Variants in BOLL observed in about 807,000 individuals in gnomAD.
The protein encoded by BOLL is protein boule-like.
In BOLL, 23 loss-of-function variants were observed where a neutral mutation model predicts 44.4. The ratio of observed to expected loss-of-function variants is 0.52; its 90% CI spans 0.37 to 0.73. The LOEUF is 0.73. Ranked by LOEUF, BOLL falls within the 30% of genes least tolerant of loss-of-function variation. The pLI is 0.00. For missense variants in BOLL, 287 were observed against 338.3 expected (o/e 0.85, Z 1.19); for synonymous variants, 97 against 110.8 (o/e 0.88, Z 0.78).
chr2:197,780,780 GTT>G lies in BOLL; in HGVS notation c.129+940_129+941del, dbSNP rs5837556. ...TATCACACCTAATGGCATAAGGAAG[GTT>G]TTTTTTTTGTTGAAAATGATAACTC... On this transcript the variant is annotated intron_variant, in intron 2 of 10. Transcript: ENST00000392296. 2.0e-3 allele frequency among the ~76,000 whole-genome samples: 300 copies of G among 150,718 alleles called. 2 individuals are homozygous for G. The highest frequency in any genetic ancestry group is 6.8e-3 in the Middle Eastern group (2 of 294).
intron 9 of BOLL, among the ~76,000 whole-genome samples, chr2:197,744,042 C>A (rs1425296650): frequency 1.6e-4 from 25 of 152,206 alleles, no homozygotes; most frequent in Non-Finnish European, 1.5e-5. Context: ...ATCTCCTGAC[C>A]TCGGGATCCA....
intron 9 of BOLL, among the ~76,000 whole-genome samples, chr2:197,747,582 C>CAAAAAAA (rs59385223): frequency 5.0e-5 from 3 of 60,190 alleles, no homozygotes; most frequent in Non-Finnish European, 8.6e-5. Flanking sequence ...GACTCGGGCT[C>CAAAAAAA]AAAAAAAAAA....
chr2:197,734,781 G>A (rs1313662105), intron 10 of BOLL, among the ~76,000 whole-genome samples: 1 of 152,112 alleles, frequency 6.6e-6, no homozygotes, highest in Non-Finnish European at 1.5e-5. Context: ...GACACAGGAA[G>A]GGGAATATCA....
intron 5 of BOLL, among the ~76,000 whole-genome samples, chr2:197,775,033 G>A (rs991503599): frequency 2.0e-5 from 3 of 151,788 alleles, no homozygotes; most frequent in Admixed American, 6.6e-5. Flanking sequence ...TCTCCTTCTA[G>A]CCAAAGACTG....
At chr2:197,781,957 G>C (rs545792914) in intron 1 of BOLL, 92 bp from the exon 2 acceptor site, 2 of 1,194,778 alleles carry the variant, frequency 1.7e-6, no homozygotes, top group African/African-American at 3.1e-5. Context: ...TCAAAAAGAA[G>C]AGTCATTTAG....
chr2:197,772,972 A>G (rs1289486173), intron 5 of BOLL, among the ~76,000 whole-genome samples: 4 of 151,946 alleles, frequency 2.6e-5, no homozygotes, highest in African/African-American at 9.7e-5. Flanking sequence ...ACAGCTTCCA[A>G]TGAAATGACA....
At chr2:197,781,901 G>T in intron 1 of BOLL, 36 bp from the exon 2 acceptor site, 1 of 1,487,838 alleles carries the variant, frequency 6.7e-7, no homozygotes, top group South Asian at 1.5e-5. Flanking sequence ...TTTTGCACTG[G>T]GTATAATGCA....
chr2:197,748,322 G>T (rs955921200), intron 9 of BOLL, among the ~76,000 whole-genome samples: 1 of 152,198 alleles, frequency 6.6e-6, no homozygotes, highest in South Asian at 2.1e-4. Flanking sequence ...GGCAGACACC[G>T]AGCTAGCTAC....
Position 197,737,040 on chromosome 2 carries a change from A to G in BOLL, c.828+6021T>C, listed in dbSNP as rs1687524136. Among the ~76,000 whole-genome samples the G allele has an allele frequency of 4.6e-5, 7 of 152,132 alleles. No homozygotes were observed. The South Asian group carries it at 1.5e-3, about 32-fold the overall frequency. On this transcript the variant is annotated intron_variant, in intron 10 of 10. Coordinates refer to ENST00000392296, the MANE Select transcript of BOLL (RefSeq NM_033030.6). ...AAATATGATTCTTTCCATCATGTCA[A>G]TAGTTTTTGGGCAGTATTTTCTTAC...
At chr2:197,785,588 C>T (rs1348167662), upstream of BOLL, among the ~76,000 whole-genome samples, 1 of 152,206 alleles carries the variant, frequency 6.6e-6, no homozygotes, top group African/African-American at 2.4e-5. The surrounding 1 kb of genome is among the most constrained non-coding windows in gnomAD (Gnocchi z 6.7). Context: ...GGCAACTCCT[C>T]GCCTTGGGCG....
upstream of BOLL, chr2:197,786,042 G>A: frequency 6.2e-7 from 1 of 1,605,644 alleles, no homozygotes; most frequent in Non-Finnish European, 8.5e-7. This position sits in a 1 kb window ranked among gnomAD's most constrained non-coding sequence, Gnocchi z 5.9. Flanking sequence ...GTAGGGAAAA[G>A]AAGCCTAAAG....
chr2:197,736,279 A>G (rs1013926935), intron 10 of BOLL, among the ~76,000 whole-genome samples: 2 of 152,132 alleles, frequency 1.3e-5, no homozygotes, highest in Non-Finnish European at 2.9e-5. Context: ...CTACAAAATA[A>G]CTAATCAATA....
chr2:197,746,277 GA>G (rs1687982449), intron 9 of BOLL, among the ~76,000 whole-genome samples: 1 of 152,164 alleles, frequency 6.6e-6, no homozygotes, highest in Non-Finnish European at 1.5e-5. Context: ...ATGTGATCTA[GA>G]AATCCCACTA....
At position 197,742,208 on chromosome 2, in the gene BOLL, T is replaced by A. The variant is rs866849482; in HGVS notation, c.828+853A>T. ...TGGAGAAATAGGAACACTTTTACAA[T>A]GTTGGTGGGAGTGTAAACTAGTTCA... is the stretch of plus-strand genomic sequence containing the variant. On this transcript the variant is annotated intron_variant, in intron 10 of 10. Transcript: ENST00000392296. Among the ~76,000 whole-genome samples, 31 of 152,332 alleles carry A rather than the reference T, an allele frequency of 2.0e-4. 1 individual carries two copies. The highest frequency in any genetic ancestry group is 2.0e-3 in the Admixed American group (31 of 15,300).
chr2:197,745,434 A>T (rs919880023), intron 9 of BOLL, among the ~76,000 whole-genome samples: 1 of 152,140 alleles, frequency 6.6e-6, no homozygotes, highest in Non-Finnish European at 1.5e-5. Flanking sequence ...ATACCACACA[A>T]AGTACAAGTT....
intron 10 of BOLL, among the ~76,000 whole-genome samples, chr2:197,735,836 G>C (rs905144038): frequency 3.0e-4 from 45 of 152,190 alleles, no homozygotes; most frequent in African/African-American, 1.1e-3. Context: ...TCCCTGCATT[G>C]TATGTTTCTT....
chr2:197,775,659 A>G lies in BOLL; in HGVS notation c.352+6T>C. On this transcript the variant is annotated splice_donor_region_variant and intron_variant, in intron 5 of 10. Coordinates refer to ENST00000392296, the MANE Select transcript of BOLL (RefSeq NM_033030.6). ...ATTTAAAAATACATTAGTTCTCAAT[A>G]CATACGAGGGATCCCTACTTGTTGT... The G allele has an allele frequency of 6.6e-7, 1 of 1,521,818 alleles. No individual in the cohort carries two copies. The highest frequency in any genetic ancestry group is 8.9e-7 in the Non-Finnish European group (1 of 1,118,400). 94.3% of individuals were successfully genotyped at this position (1,521,818 alleles called of 1,614,324 possible).
intron 9 of BOLL, among the ~76,000 whole-genome samples, chr2:197,745,392 A>G (rs1259877025): frequency 1.3e-5 from 2 of 152,186 alleles, no homozygotes; most frequent in African/African-American, 2.4e-5. Context: ...AAACAGTAGC[A>G]AAACAAAAAC....
intron 10 of BOLL, among the ~76,000 whole-genome samples, chr2:197,740,309 C>T (rs1297752379): frequency 6.6e-6 from 1 of 152,108 alleles, no homozygotes; most frequent in Non-Finnish European, 1.5e-5. Flanking sequence ...AAGACTATGC[C>T]TACCTTCCTC....
Sources: gnomAD v4.1 joint callset for allele counts (sites outside exome capture counted in the v4.1 genomes callset) on GRCh38, gnomAD v4.1.1 for gene constraint, Gnocchi (gnomAD v3.1) non-coding constraint, MANE v1.5 for transcripts, NCBI Gene and HGNC (gene_info 2026-07-23, HGNC 2026-07-21) for gene names.